NEDD9: variants seen among roughly 807,000 people sequenced by gnomAD.
The protein encoded by NEDD9 is enhancer of filamentation 1.
Under a neutral mutation model 76.6 loss-of-function variants are expected in NEDD9, and 26 were observed. That is an observed-to-expected ratio of 0.34 (90% CI 0.25 to 0.47). NEDD9 has a LOEUF of 0.47. Ranked by LOEUF, NEDD9 falls within the 20% of genes least tolerant of loss-of-function variation. The probability of loss-of-function intolerance (pLI) is 1.00; values close to 1 mark genes in which losing one functional copy is unlikely to be tolerated. For missense variants in NEDD9, 937 were observed against 1,058.5 expected, an observed-to-expected ratio of 0.89 and a Z score of 1.59; for synonymous variants, 392 against 414.2, an observed-to-expected ratio of 0.95 and a Z score of 0.65.
At chr6:11,355,683 T>C (rs1280989727) in intron 1 of NEDD9, among the ~76,000 whole-genome samples, 2 of 152,098 alleles carry the variant, frequency 1.3e-5, no homozygotes, top group Non-Finnish European at 2.9e-5. Flanking sequence ...GAAACATCCA[T>C]GCTTTTCAAA....
At chr6:11,236,651 A>G (rs750402962), upstream of NEDD9, among the ~76,000 whole-genome samples, 4 of 152,184 alleles carry the variant, frequency 2.6e-5, no homozygotes, top group Admixed American at 6.5e-5. The surrounding 1 kb of genome is among the most constrained non-coding windows in gnomAD (Gnocchi z 5.5). Context: ...TATAACAGCA[A>G]TTGGTGGTGA....
At chr6:11,192,568 G>T in intron 3 of NEDD9, 122 bp from the exon 4 acceptor site, 1 of 642,970 alleles carries the variant, frequency 1.6e-6, no homozygotes, top group Non-Finnish European at 2.6e-6. Context: ...ATCTTTGGCA[G>T]TGCTCCATGT....
chr6:11,356,604 G>A (rs9468961), intron 1 of NEDD9, among the ~76,000 whole-genome samples: 5,283 of 152,094 alleles, frequency 0.035, 326 homozygotes, highest in African/African-American at 0.12. Flanking sequence ...GGGCGGGGCT[G>A]GAATTTGCAT....
At chr6:11,247,397 G>A (rs187686846) in intron 3 of NEDD9, among the ~76,000 whole-genome samples, 7 of 152,134 alleles carry the variant, frequency 4.6e-5, no homozygotes, top group Non-Finnish European at 1.0e-4. Flanking sequence ...TTAGAAGTAG[G>A]CGATCCACTA....
intron 1 of NEDD9, among the ~76,000 whole-genome samples, chr6:11,226,346 T>G (rs1430393319): frequency 6.6e-6 from 1 of 152,190 alleles, no homozygotes; most frequent in African/African-American, 2.4e-5. Flanking sequence ...CTCTGGCATT[T>G]TAAGTTAGAA....
chr6:11,308,051 T>C (rs1207799917), intron 2 of NEDD9, among the ~76,000 whole-genome samples: 1 of 152,160 alleles, frequency 6.6e-6, no homozygotes, highest in East Asian at 1.9e-4. Flanking sequence ...CCAAACCTAC[T>C]TCCTGGTCTT....
intron 1 of NEDD9, chr6:11,352,678 C>T (rs1762490567): frequency 6.6e-6 from 1 of 152,158 alleles, no homozygotes; most frequent in Non-Finnish European, 1.5e-5. Context: ...GCTTCTGTTT[C>T]TTCATCTCTA....
At chr6:11,371,783 A>G (rs1241094642) in intron 1 of NEDD9, among the ~76,000 whole-genome samples, 3 of 152,162 alleles carry the variant, frequency 2.0e-5, no homozygotes, top group Non-Finnish European at 4.4e-5. Flanking sequence ...TAATTGGATT[A>G]TTAGCCCTAG....
chr6:11,325,862 T>C (rs1761914892), intron 2 of NEDD9, among the ~76,000 whole-genome samples: 1 of 152,190 alleles, frequency 6.6e-6, no homozygotes, highest in Non-Finnish European at 1.5e-5. Flanking sequence ...ACAAGTTTCT[T>C]GGCTGGGTGC....
intron 1 of NEDD9, among the ~76,000 whole-genome samples, chr6:11,229,214 C>G (rs1662138734): frequency 6.6e-6 from 1 of 152,190 alleles, no homozygotes; most frequent in South Asian, 2.1e-4. Flanking sequence ...TGTAATTTTT[C>G]TTCAGTCAAA....
intron 1 of NEDD9, among the ~76,000 whole-genome samples, chr6:11,225,511 G>C (rs964547501): frequency 1.4e-4 from 21 of 152,044 alleles, no homozygotes; most frequent in Admixed American, 3.3e-4. Flanking sequence ...TTGTTTGTTT[G>C]TTTTGTTTTT....
intron 1 of NEDD9, among the ~76,000 whole-genome samples, chr6:11,358,788 C>G (rs10947204): frequency 0.7 from 106,868 of 152,026 alleles, 38,304 homozygotes; most frequent in African/African-American, 0.82. Flanking sequence ...TGGTGGGTGG[C>G]GGAGTGTTGC....
At chr6:11,304,745 G>A (rs1464597786) in intron 3 of NEDD9, among the ~76,000 whole-genome samples, 4 of 152,208 alleles carry the variant, frequency 2.6e-5, no homozygotes, top group African/African-American at 9.7e-5. Flanking sequence ...TCATAGGTGG[G>A]AGTTGAACAA....
chr6:11,346,404 G>A (rs895317411), intron 1 of NEDD9, among the ~76,000 whole-genome samples: 1 of 151,818 alleles, frequency 6.6e-6, no homozygotes, highest in African/African-American at 2.4e-5. Flanking sequence ...CCACCCAAAA[G>A]AGCAACGCTG....
intron 2 of NEDD9, among the ~76,000 whole-genome samples, chr6:11,331,816 G>A (rs973963454): frequency 2.2e-4 from 33 of 152,334 alleles, no homozygotes; most frequent in African/African-American, 7.7e-4. Flanking sequence ...AGCTTTTACG[G>A]GTTGGTGCTG....
chr6:11,225,072 G>T (rs373438351), intron 1 of NEDD9, among the ~76,000 whole-genome samples: 27 of 152,108 alleles, frequency 1.8e-4, no homozygotes, highest in East Asian at 1.7e-3. Flanking sequence ...TTTCTACTGG[G>T]TTTCACAGAT....
intron 2 of NEDD9, among the ~76,000 whole-genome samples, chr6:11,323,685 G>A (rs927088530): frequency 1.3e-5 from 2 of 152,176 alleles, no homozygotes; most frequent in African/African-American, 4.8e-5. Context: ...CTAAGCTAAT[G>A]CAGAAGACTT....
Position 11,185,272 on chromosome 6 carries a change from G to C in NEDD9, c.2395C>G (p.Leu799Val). 6.2e-7 allele frequency: 1 copy of C among 1,614,162 alleles called. No individual in the cohort carries two copies. Among genetic ancestry groups the C allele is most frequent in the Non-Finnish European group, 8.5e-7 (1 of 1,180,034 alleles). The change falls in exon 7 of 7, where the codon CTC becomes GTC. Residue 799 changes from leucine (L) to valine (V), a missense_variant. Leu to Val is a conservative substitution (Grantham distance 32). Coordinates refer to ENST00000379446, the MANE Select transcript of NEDD9 (RefSeq NM_006403.4). ...AGGGCCGTGGTGCTGGGGTAATGGA[G>C]GGCGGCCATCTTGGTTGCCATGACT... ...TIVMATKMAA[L>V]HYPSTTALQE...
In NEDD9 at chr6:11,292,374, T is replaced by A. The variant is rs190099553; in HGVS notation, c.12+13618A>T. Among the ~76,000 whole-genome samples the A allele has an allele frequency of 2.0e-5, 3 of 152,364 alleles. No individual in the cohort carries two copies. The East Asian group carries it at 5.8e-4, about 29-fold the overall frequency. On this transcript the variant is annotated intron_variant, in intron 3 of 3. Transcript: ENST00000397378. ...CTTCTTGACAGTGTAATTTCTGCAA[T>A]GCAGCTGGACTTTGTGACCCATAAT...
Sources: allele counts gnomAD v4.1 joint callset (sites outside exome capture counted in the v4.1 genomes callset), GRCh38; gene constraint gnomAD v4.1.1; non-coding constraint Gnocchi (gnomAD v3.1); transcripts MANE v1.5; gene names NCBI Gene and HGNC (gene_info 2026-07-23, HGNC 2026-07-21).